ELP4: variants seen among roughly 807,000 people sequenced by gnomAD.
ELP4 encodes elongator acetyltransferase complex subunit 4.
Under a neutral mutation model 48.9 loss-of-function variants are expected in ELP4, and 51 were observed. That is an observed-to-expected ratio of 1.04 (90% confidence interval 0.83 to 1.32). ELP4 has a LOEUF of 1.32. Among genes scored for constraint, ELP4 ranks in the 40% most tolerant of loss-of-function variants. The probability of loss-of-function intolerance (pLI) is 0.00; values close to 1 mark genes in which losing one functional copy is unlikely to be tolerated. For missense variants in ELP4, 519 were observed against 514.6 expected (o/e 1.01, Z -0.08); for synonymous variants, 210 against 189.2 (o/e 1.11, Z -0.90).
At chr11:31,739,719 A>G (rs1947404688) in intron 9 of ELP4, among the ~76,000 whole-genome samples, 1 of 152,214 alleles carries the variant, frequency 6.6e-6, no homozygotes. Flanking sequence ...TTCATATACC[A>G]TATGTTTACC....
intron 9 of ELP4, among the ~76,000 whole-genome samples, chr11:31,667,041 G>A (rs935050058): frequency 1.3e-5 from 2 of 152,154 alleles, no homozygotes; most frequent in African/African-American, 2.4e-5. Context: ...AGGAAAGATT[G>A]AGGTTATTTA....
At chr11:31,774,320 T>G (rs982696064) in intron 9 of ELP4, among the ~76,000 whole-genome samples, 5 of 152,198 alleles carry the variant, frequency 3.3e-5, no homozygotes, top group African/African-American at 1.2e-4. Context: ...CTGAGGTGGC[T>G]CCCATTTTCT....
At chr11:31,511,230 G>A (rs1955997043) in intron 1 of ELP4, 1 of 152,096 alleles carries the variant, frequency 6.6e-6, no homozygotes, top group Admixed American at 6.5e-5. Context: ...TATCTAGTTA[G>A]CAAATATATA....
chr11:31,701,966 C>T lies in ELP4; in HGVS notation c.1143+51745C>T, dbSNP rs561800038. ...TGAATATCAACTGTTAGCCACAGTA[C>T]GAAGCGAATAATATATTGATGAATT... On this transcript the variant is annotated intron_variant, in intron 9 of 9. Coordinates refer to ENST00000640961, the MANE Select transcript of ELP4 (RefSeq NM_019040.5). Among the ~76,000 whole-genome samples the T allele has an allele frequency of 2.9e-4, 44 of 152,088 alleles. No homozygotes were observed. In the South Asian group the frequency reaches 5.2e-3, roughly 18 times the overall value.
At chr11:31,585,018 G>C (rs1957450785) in intron 3 of ELP4, among the ~76,000 whole-genome samples, 1 of 151,950 alleles carries the variant, frequency 6.6e-6, no homozygotes, top group South Asian at 2.1e-4. Flanking sequence ...CTACATTTTA[G>C]GTATTTTAGG....
intron 9 of ELP4, among the ~76,000 whole-genome samples, chr11:31,679,664 A>C (rs1015618046): frequency 6.6e-6 from 1 of 152,204 alleles, no homozygotes; most frequent in African/African-American, 2.4e-5. Context: ...TACTATGCGT[A>C]AGGGCTTTAC....
chr11:31,659,483 A>G (rs1273041270), intron 9 of ELP4, among the ~76,000 whole-genome samples: 2 of 152,174 alleles, frequency 1.3e-5, no homozygotes, highest in Non-Finnish European at 2.9e-5. Context: ...GCACTCATTC[A>G]AAAATTTCTG....
intron 1 of ELP4, chr11:31,511,561 T>C (rs1338364738): frequency 6.6e-6 from 1 of 152,192 alleles, no homozygotes; most frequent in Admixed American, 6.5e-5. Flanking sequence ...GTTTCATGTT[T>C]GAGCTCTAAA....
At chr11:31,552,630 A>G (rs1007927121) in intron 3 of ELP4, among the ~76,000 whole-genome samples, 2 of 152,082 alleles carry the variant, frequency 1.3e-5, no homozygotes, top group East Asian at 3.9e-4. Flanking sequence ...AGGAAATACA[A>G]ATATACTACT....
intron 3 of ELP4, among the ~76,000 whole-genome samples, chr11:31,554,897 G>C (rs1956905268): frequency 6.6e-6 from 1 of 152,122 alleles, no homozygotes; most frequent in African/African-American, 2.4e-5. Flanking sequence ...TTAAGCATTA[G>C]ATTTGTTTTT....
intron 2 of ELP4, among the ~76,000 whole-genome samples, chr11:31,535,974 G>T (rs1019247341): frequency 1.3e-5 from 2 of 152,146 alleles, no homozygotes; most frequent in African/African-American, 4.8e-5. Context: ...AGGGCAAAAT[G>T]TAAGGTACTA....
intron 9 of ELP4, among the ~76,000 whole-genome samples, chr11:31,772,840 A>T (rs1274424795): frequency 6.6e-6 from 1 of 152,182 alleles, no homozygotes; most frequent in Non-Finnish European, 1.5e-5. Context: ...TAATTCACTT[A>T]CTCCCTCTCC....
At chr11:31,553,731 C>CACAG (rs1268353728) in intron 3 of ELP4, among the ~76,000 whole-genome samples, 1 of 144,386 alleles carries the variant, frequency 6.9e-6, no homozygotes, top group Non-Finnish European at 1.5e-5. Context: ...CACAAACACA[C>CACAG]ACACACACAC....
In ELP4 at chr11:31,574,619, G is replaced by A. The variant is rs181815752; in HGVS notation, c.382-20151G>A. ...GAAGGATCAGACAGCAACATCTGCC[G>A]TTCTGCAATATTTGCTGTTCTACAG... On this transcript the variant is annotated intron_variant, in intron 3 of 9. Coordinates refer to ENST00000640961, the MANE Select transcript of ELP4 (RefSeq NM_019040.5). 2.6e-3 allele frequency among the ~76,000 whole-genome samples: 393 copies of A among 152,300 alleles called. 3 individuals carry two copies. The South Asian group carries it at 0.031, about 12-fold the overall frequency.
chr11:31,516,216 C>A (rs568843799), intron 1 of ELP4, among the ~76,000 whole-genome samples: 10 of 152,162 alleles, frequency 6.6e-5, no homozygotes, highest in Non-Finnish European at 1.2e-4. Flanking sequence ...AGATAAGAAA[C>A]CTAAATCCTC....
chr11:31,690,706 A>G (rs1433585354), intron 9 of ELP4, among the ~76,000 whole-genome samples: 1 of 151,688 alleles, frequency 6.6e-6, no homozygotes, highest in Admixed American at 6.6e-5. Flanking sequence ...GCCAAAAACA[A>G]TAAAATTCTT....
At chr11:31,645,902 G>C (rs1273521752) in intron 7 of ELP4, 1 of 121,802 alleles carries the variant, frequency 8.2e-6, no homozygotes, top group Non-Finnish European at 1.6e-5. Flanking sequence ...ACATTGTTCA[G>C]TACTCAGCAC....
At chr11:31,697,521 C>T (rs56229489) in intron 9 of ELP4, among the ~76,000 whole-genome samples, 2 of 152,048 alleles carry the variant, frequency 1.3e-5, no homozygotes, top group Non-Finnish European at 2.9e-5. Context: ...GGGCCACCTC[C>T]TTCATTTACA....
chr11:31,669,594 T>C (rs1476633476), intron 9 of ELP4, among the ~76,000 whole-genome samples: 1 of 152,178 alleles, frequency 6.6e-6, no homozygotes, highest in Non-Finnish European at 1.5e-5. Flanking sequence ...TTCTTTGATG[T>C]CTGTCTTCAC....
Sources: gnomAD v4.1 joint callset for allele counts (sites outside exome capture counted in the v4.1 genomes callset) on GRCh38, gnomAD v4.1.1 for gene constraint, MANE v1.5 for transcripts, NCBI Gene and HGNC (gene_info 2026-07-23, HGNC 2026-07-21) for gene names.